PLEK: variants seen among roughly 807,000 people sequenced by gnomAD.
PLEK encodes the protein pleckstrin.
Under a neutral mutation model 43.9 loss-of-function variants are expected in PLEK, and 25 were observed. That is an observed-to-expected ratio of 0.57 (90% CI 0.41 to 0.79). PLEK has a LOEUF of 0.79. Ranked by LOEUF, PLEK falls within the 30% of genes least tolerant of loss-of-function variation. The probability of loss-of-function intolerance (pLI) is 0.00; values close to 1 mark genes in which losing one functional copy is unlikely to be tolerated. For synonymous variants in PLEK, 152 were observed against 144.4 expected, an observed-to-expected ratio of 1.05 and a Z score of -0.38; for missense variants, 396 against 413.3, an observed-to-expected ratio of 0.96 and a Z score of 0.36.
intron 1 of PLEK, among the ~76,000 whole-genome samples, chr2:68,376,930 T>C (rs1353016473): frequency 6.6e-6 from 1 of 152,164 alleles, no homozygotes; most frequent in Non-Finnish European, 1.5e-5. Context: ...CCACTTCCCT[T>C]CCTGGCCTCT....
intron 4 of PLEK, among the ~76,000 whole-genome samples, chr2:68,386,037 T>C (rs1158142581): frequency 6.6e-6 from 1 of 152,160 alleles, no homozygotes; most frequent in Non-Finnish European, 1.5e-5. Context: ...TGTTGCTTTT[T>C]TTTAAGACAA....
intron 1 of PLEK, among the ~76,000 whole-genome samples, chr2:68,368,780 T>C (rs971323808): frequency 6.6e-6 from 1 of 152,238 alleles, no homozygotes; most frequent in African/African-American, 2.4e-5. Context: ...ACCAGCCTAA[T>C]TCCTAGAGGT....
At chr2:68,369,989 G>T (rs1023533801) in intron 1 of PLEK, among the ~76,000 whole-genome samples, 8 of 152,210 alleles carry the variant, frequency 5.3e-5, no homozygotes, top group African/African-American at 1.9e-4. Flanking sequence ...ACAACCATTT[G>T]TTTGGGATGT....
intron 3 of PLEK, 82 bp from the exon 4 acceptor site, chr2:68,382,460 T>A: frequency 1.3e-6 from 1 of 797,132 alleles, no homozygotes; most frequent in Non-Finnish European, 2.1e-6. Context: ...CAGAGAGAAC[T>A]TACCATTCTG....
intron 1 of PLEK, among the ~76,000 whole-genome samples, chr2:68,366,272 T>C (rs886691470): frequency 2.6e-5 from 4 of 152,256 alleles, no homozygotes; most frequent in African/African-American, 9.6e-5. Context: ...GAACAGTGAA[T>C]GTGAGTCTGT....
chr2:68,374,962 G>C (rs1242076348), intron 1 of PLEK, among the ~76,000 whole-genome samples: 1 of 152,088 alleles, frequency 6.6e-6, no homozygotes, highest in East Asian at 1.9e-4. Context: ...GTTAGTCTTT[G>C]TTTCTGGCTA....
chr2:68,369,171 A>C (rs1673342566), intron 1 of PLEK, among the ~76,000 whole-genome samples: 1 of 152,236 alleles, frequency 6.6e-6, no homozygotes, highest in African/African-American at 2.4e-5. Flanking sequence ...GCCTTAATGC[A>C]TTTATACAGC....
chr2:68,370,442 G>C (rs1049019507), intron 1 of PLEK, among the ~76,000 whole-genome samples: 13 of 152,244 alleles, frequency 8.5e-5, no homozygotes, highest in Middle Eastern at 3.4e-3. Flanking sequence ...AACTATTCGA[G>C]AGCAGAGATA....
In PLEK at chr2:68,380,840, G is replaced by A. The variant is rs781719412; in HGVS notation, c.316G>A (p.Gly106Ser). 6.2e-7 allele frequency: 1 copy of A among 1,614,030 alleles called. No homozygotes were observed. Among genetic ancestry groups the A allele is most frequent in the Non-Finnish European group, 8.5e-7 (1 of 1,179,936 alleles). Reference protein sequence around the residue: ...IKKAIKCIEGGQKFARKSTRR... With the variant: ...IKKAIKCIEGSQKFARKSTRR... Reference sequence around the variant, plus strand: ...GAAGGCCATTAAATGCATTGAAGGAGGCCAGAAATTTGCCAGGAAATCTAC... The same window carrying A: ...GAAGGCCATTAAATGCATTGAAGGAAGCCAGAAATTTGCCAGGAAATCTAC... The change falls in exon 3 of 9, where the codon GGC becomes AGC. Residue 106 changes from glycine to serine, a missense_variant. Coordinates refer to ENST00000234313, the MANE Select transcript of PLEK (RefSeq NM_002664.3).
At chr2:68,369,086 A>G (rs1174869390) in intron 1 of PLEK, among the ~76,000 whole-genome samples, 1 of 152,228 alleles carries the variant, frequency 6.6e-6, no homozygotes, top group East Asian at 1.9e-4. Flanking sequence ...ATTTGTGCCT[A>G]CTGATTCATC....
At chr2:68,380,599 CA>C in intron 2 of PLEK, 116 bp downstream of exon 2, 2 of 1,383,626 alleles carry the variant, frequency 1.4e-6, no homozygotes, top group Non-Finnish European at 2.0e-6. Flanking sequence ...CCACCACCCA[CA>C]CCCCACCCTG....
Position 68,386,541 on chromosome 2 carries a change from T to C in PLEK, c.512T>C (p.Val171Ala). 1.2e-6 allele frequency: 2 copies of C among 1,613,814 alleles called. No individual in the cohort carries two copies. The highest frequency in any genetic ancestry group is 2.2e-5 in the South Asian group (2 of 91,070). ...VIDWLVSNQS[V>A]RNRQEGLMIA... ...GATTGGCTGGTATCCAACCAGTCTG[T>C]TAGGAATCGCCAGGAAGGCCTCATG... Residue 171 changes from valine (V) to alanine (A), a missense_variant, in exon 5 of 9, where the codon GTT (valine) becomes GCT (alanine). Physicochemically the swap from Val to Ala is moderately conservative, Grantham distance 64. Transcript: ENST00000234313.
chr2:68,370,733 G>C (rs192397957), intron 1 of PLEK, among the ~76,000 whole-genome samples: 1 of 152,088 alleles, frequency 6.6e-6, no homozygotes, highest in Non-Finnish European at 1.5e-5. Context: ...TGATCCACCC[G>C]CCTTGGCCTC....
In PLEK at chr2:68,380,328, G is replaced by C. The variant is rs772352305; in HGVS notation, c.43G>C (p.Gly15Arg). The C allele has an allele frequency of 1.2e-6, 2 of 1,611,188 alleles. No individual in the cohort carries two copies. Among genetic ancestry groups the C allele is most frequent in the Non-Finnish European group, 1.7e-6 (2 of 1,177,994 alleles). ...RIREGYLVKK[G>R]SVFNTWKPMW... Reference sequence around the variant, plus strand: ...TCAGCTCTTTTGGTTGTCATTACAGGGGAGCGTGTTCAATACGTGGAAACC... The same window carrying C: ...TCAGCTCTTTTGGTTGTCATTACAGCGGAGCGTGTTCAATACGTGGAAACC... The change falls in exon 2 of 9, where the codon GGG (glycine) becomes CGG (arginine). Residue 15 changes from glycine to arginine, a missense_variant and splice_region_variant. Transcript: ENST00000234313.
chr2:68,382,532 C>T lies in PLEK; in HGVS notation c.381-10C>T. The T allele has an allele frequency of 1.4e-6, 2 of 1,468,282 alleles. No homozygotes were observed. The highest frequency in any genetic ancestry group is 1.9e-6 in the Non-Finnish European group (2 of 1,058,166). 91.0% of individuals were successfully genotyped at this position (1,468,282 alleles called of 1,614,324 possible). A position where few individuals can be genotyped will look rare whatever the true frequency, so the allele number is the denominator to read the frequency against. On this transcript the variant is annotated splice_polypyrimidine_tract_variant and intron_variant, in intron 3 of 8. Transcript: ENST00000234313. Reference sequence around the variant, plus strand: ...TTTGTTTGTTTGTTTGCTTTTTTATCTCTGTGCAGTGCCTTATATTTGTCC... The same window carrying T: ...TTTGTTTGTTTGTTTGCTTTTTTATTTCTGTGCAGTGCCTTATATTTGTCC...
chr2:68,371,825 G>T (rs906149471), intron 1 of PLEK, among the ~76,000 whole-genome samples: 3 of 151,806 alleles, frequency 2.0e-5, no homozygotes, highest in Non-Finnish European at 4.4e-5. Flanking sequence ...ACATCAAATT[G>T]CTGACTCATA....
chr2:68,384,999 C>G (rs2103776598), intron 4 of PLEK, among the ~76,000 whole-genome samples: 1 of 152,326 alleles, frequency 6.6e-6, no homozygotes, highest in East Asian at 1.9e-4. Flanking sequence ...CGCTATCCAA[C>G]TGCTGTCACT....
At chr2:68,380,227 T>A in intron 1 of PLEK, 101 bp from the exon 2 acceptor site, 1 of 997,540 alleles carries the variant, frequency 1.0e-6, no homozygotes, top group South Asian at 1.8e-5. Context: ...CCAAACATTT[T>A]AAAAACCAAC....
intron 1 of PLEK, among the ~76,000 whole-genome samples, chr2:68,375,204 T>C (rs1463282670): frequency 6.6e-6 from 1 of 152,200 alleles, no homozygotes; most frequent in African/African-American, 2.4e-5. Context: ...GTCTTATTCT[T>C]CTCTGACTTT....
Sources: gnomAD v4.1 joint callset for allele counts (sites outside exome capture counted in the v4.1 genomes callset) on GRCh38, gnomAD v4.1.1 for gene constraint, MANE v1.5 for transcripts, NCBI Gene and HGNC (gene_info 2026-07-23, HGNC 2026-07-21) for gene names.